ZSCAN25: variants seen among roughly 807,000 people sequenced by gnomAD.
ZSCAN25 encodes zinc finger and SCAN domain containing 25, also known as zinc finger and SCAN domain-containing protein 25.
In ZSCAN25, 27 loss-of-function variants were observed where a neutral mutation model predicts 38.7. The observed-to-expected ratio is 0.70, with a 90% CI of 0.51 to 0.96. ZSCAN25 has a LOEUF of 0.96. Among genes scored for constraint, ZSCAN25 ranks in the 40% least tolerant of loss-of-function variants. The pLI, the probability that ZSCAN25 is intolerant of heterozygous loss-of-function variation, is 0.00. For missense variants in ZSCAN25, 637 were observed against 705.9 expected, an observed-to-expected ratio of 0.90 and a Z score of 1.11; for synonymous variants, 273 against 277.7, an observed-to-expected ratio of 0.98 and a Z score of 0.17.
At position 99,619,892 on chromosome 7, in the gene ZSCAN25, C is replaced by G. The variant is rs147649020; in HGVS notation, c.286C>G (p.Arg96Gly). The G allele has an allele frequency of 6.2e-7, 1 of 1,614,076 alleles. No homozygotes were observed. The highest frequency in any genetic ancestry group is 1.7e-5 in the Admixed American group (1 of 60,008). ...GGAGCAGTTCCTCACTATCCTGCCC[C>G]GCGAGTTCTACGCCTGGATCCGGGA... is the stretch of plus-strand genomic sequence containing the variant. ...VLEQFLTILP[R>G]EFYAWIREHG... is the part of the protein sequence containing the mutation. Residue 96 changes from arginine to glycine, a missense_variant, in exon 4 of 8, where the codon CGC becomes GGC. Physicochemically the swap from Arg to Gly is moderately radical, Grantham distance 125. Transcript: ENST00000394152.
the ZSCAN25 span, among the ~76,000 whole-genome samples, chr7:99,734,197 C>G: frequency 6.6e-6 from 1 of 152,160 alleles, no homozygotes; most frequent in Non-Finnish European, 1.5e-5. Context: ...AGAATTAAAA[C>G]GAGGTTTGTA....
chr7:99,704,235 A>G, the ZSCAN25 span, among the ~76,000 whole-genome samples: 6 of 152,248 alleles, frequency 3.9e-5, no homozygotes, highest in African/African-American at 1.2e-4. Context: ...TTAAATGAAA[A>G]CTAATAATAT....
At chr7:99,691,176 A>C in the ZSCAN25 span, among the ~76,000 whole-genome samples, 1 of 152,172 alleles carries the variant, frequency 6.6e-6, no homozygotes, top group Non-Finnish European at 1.5e-5. Context: ...CATCATTCTC[A>C]GCAAACTATC....
At chr7:99,698,962 C>T in the ZSCAN25 span, among the ~76,000 whole-genome samples, 1 of 152,200 alleles carries the variant, frequency 6.6e-6, no homozygotes, top group African/African-American at 2.4e-5. Context: ...GTTGCCTGCT[C>T]TTAAAAGTCA....
the ZSCAN25 span, among the ~76,000 whole-genome samples, chr7:99,654,927 G>T: frequency 6.6e-6 from 1 of 152,052 alleles, no homozygotes; most frequent in African/African-American, 2.4e-5. Context: ...TGATGGGGTT[G>T]TGTTTTTTTC....
chr7:99,675,793 A>C, the ZSCAN25 span, among the ~76,000 whole-genome samples: 1 of 146,668 alleles, frequency 6.8e-6, no homozygotes, highest in Non-Finnish European at 1.5e-5. Flanking sequence ...TCCTGGGTTC[A>C]TACAATCCTC....
chr7:99,688,598 C>T, the ZSCAN25 span, among the ~76,000 whole-genome samples: 5 of 152,236 alleles, frequency 3.3e-5, no homozygotes, highest in Admixed American at 6.5e-5. Flanking sequence ...CCATTGTCAA[C>T]ATTAGACAGA....
the ZSCAN25 span, chr7:99,662,823 G>A: frequency 3.7e-6 from 6 of 1,613,806 alleles, no homozygotes; most frequent in Non-Finnish European, 5.1e-6. The surrounding 1 kb of genome is among the most constrained non-coding windows in gnomAD (Gnocchi z 4.3). Flanking sequence ...TACCTTTGTG[G>A]GACTCAGTTT....
At chr7:99,650,178 A>C in the ZSCAN25 span, 1 of 1,614,130 alleles carries the variant, frequency 6.2e-7, no homozygotes, top group Admixed American at 1.7e-5. Flanking sequence ...TTCTGGGTCC[A>C]GTTCCAAAGG....
At chr7:99,699,439 A>G in the ZSCAN25 span, among the ~76,000 whole-genome samples, 1 of 152,112 alleles carries the variant, frequency 6.6e-6, no homozygotes, top group Non-Finnish European at 1.5e-5. Flanking sequence ...CCGGTGTGTT[A>G]TGTAAATGAT....
the ZSCAN25 span, among the ~76,000 whole-genome samples, chr7:99,731,698 G>A: frequency 1.8e-4 from 27 of 152,316 alleles, no homozygotes; most frequent in African/African-American, 5.5e-4. Flanking sequence ...CTCTGACCCT[G>A]TTTTAGGATC....
chr7:99,708,359 G>A, the ZSCAN25 span, among the ~76,000 whole-genome samples: 1 of 152,152 alleles, frequency 6.6e-6, no homozygotes, highest in Non-Finnish European at 1.5e-5. Context: ...TGAGGAAGGA[G>A]AAGAAATTGT....
At chr7:99,706,671 G>A in the ZSCAN25 span, among the ~76,000 whole-genome samples, 1 of 151,970 alleles carries the variant, frequency 6.6e-6, no homozygotes, top group African/African-American at 2.4e-5. Flanking sequence ...CAAAAGGCAT[G>A]AATATATTTT....
the ZSCAN25 span, chr7:99,648,254 G>A: frequency 6.3e-7 from 1 of 1,593,466 alleles, no homozygotes; most frequent in Non-Finnish European, 8.6e-7. Flanking sequence ...AATCTCTGGT[G>A]TTCTGGGGCA....
chr7:99,644,297 A>G, the ZSCAN25 span, among the ~76,000 whole-genome samples: 1 of 152,152 alleles, frequency 6.6e-6, no homozygotes, highest in Non-Finnish European at 1.5e-5. Flanking sequence ...CACTTGACTG[A>G]TGCCAAGCAG....
chr7:99,665,231 G>A, the ZSCAN25 span: 4 of 1,613,656 alleles, frequency 2.5e-6, no homozygotes, highest in Admixed American at 1.7e-5. Flanking sequence ...CTCCACAAAG[G>A]GGTCTTGTGG....
downstream of ZSCAN25, among the ~76,000 whole-genome samples, chr7:99,633,425 T>C (rs1265975841): frequency 1.1e-4 from 16 of 152,230 alleles, no homozygotes. Context: ...AGGTTACCCT[T>C]AGATATAGTT....
At chr7:99,669,027 C>T in the ZSCAN25 span, among the ~76,000 whole-genome samples, 2 of 152,084 alleles carry the variant, frequency 1.3e-5, no homozygotes, top group East Asian at 1.9e-4. Flanking sequence ...GTTCTATTTT[C>T]CTATCTGTTA....
At chr7:99,639,254 A>T in the ZSCAN25 span, among the ~76,000 whole-genome samples, 1 of 152,224 alleles carries the variant, frequency 6.6e-6, no homozygotes, top group Non-Finnish European at 1.5e-5. Context: ...TATTTTAGCT[A>T]TTGAGAGAAG....
Sources: allele counts gnomAD v4.1 joint callset (sites outside exome capture counted in the v4.1 genomes callset), GRCh38; gene constraint gnomAD v4.1.1; non-coding constraint Gnocchi (gnomAD v3.1); transcripts MANE v1.5; gene names NCBI Gene and HGNC (gene_info 2026-07-23, HGNC 2026-07-21).